The following WIPF1 variants were observed in gnomAD, a reference collection of about 807,000 sequenced individuals.
WIPF1 encodes the protein WAS/WASL-interacting protein family member 1.
Under a neutral mutation model 35.4 loss-of-function variants are expected in WIPF1, and 13 were observed. That is an observed-to-expected ratio of 0.37 (90% CI 0.24 to 0.58). The LOEUF (loss-of-function observed/expected upper bound fraction) is 0.58, where lower values mean the gene tolerates loss of function less well. WIPF1 is among the 20% of genes least tolerant of loss of function. The pLI, the probability that WIPF1 is intolerant of heterozygous loss-of-function variation, is 0.74. For synonymous variants in WIPF1, 267 were observed against 266.3 expected, an observed-to-expected ratio of 1.00 and a Z score of -0.02; for missense variants, 591 against 667.0, an observed-to-expected ratio of 0.89 and a Z score of 1.25.
chr2:174,667,655 G>A (rs891550718), intron 1 of WIPF1, among the ~76,000 whole-genome samples: 4 of 152,182 alleles, frequency 2.6e-5, no homozygotes, highest in African/African-American at 9.7e-5. Context: ...CACCAGGAGG[G>A]GAAGCCTCTG....
At chr2:174,586,588 C>T (rs555788168) in intron 1 of WIPF1, among the ~76,000 whole-genome samples, 8 of 152,046 alleles carry the variant, frequency 5.3e-5, no homozygotes, top group Non-Finnish European at 1.0e-4. Context: ...GTGAGTTACA[C>T]CAGCCAGGAG....
intron 1 of WIPF1, among the ~76,000 whole-genome samples, chr2:174,658,157 G>A (rs536080540): frequency 9.9e-5 from 15 of 152,180 alleles, no homozygotes; most frequent in South Asian, 4.1e-4. Context: ...CCCAATTCTC[G>A]CCTTCTAGGA....
intron 1 of WIPF1, among the ~76,000 whole-genome samples, chr2:174,654,536 T>TTA (rs2105966199): frequency 6.6e-6 from 1 of 152,290 alleles, no homozygotes; most frequent in Non-Finnish European, 1.5e-5. Context: ...AAGAACAAGA[T>TTA]TCTAGAGTCT....
chr2:174,586,381 G>C (rs952018417), intron 1 of WIPF1, among the ~76,000 whole-genome samples: 1 of 152,058 alleles, frequency 6.6e-6, no homozygotes, highest in African/African-American at 2.4e-5. Flanking sequence ...AGCTTTGTTT[G>C]GGTAAAAAAT....
chr2:174,606,946 C>T (rs181969623), intron 1 of WIPF1, among the ~76,000 whole-genome samples: 5 of 152,252 alleles, frequency 3.3e-5, no homozygotes, highest in African/African-American at 1.2e-4. Flanking sequence ...CGAGGGGCCA[C>T]ATCTGGTGAG....
intron 1 of WIPF1, among the ~76,000 whole-genome samples, chr2:174,643,353 A>C (rs191829560): frequency 4.0e-5 from 6 of 149,600 alleles, no homozygotes; most frequent in African/African-American, 1.5e-4. Context: ...TTAGCCTCCC[A>C]CTATCACGAT....
In WIPF1 at chr2:174,571,341, A is replaced by G. The variant is rs1684825586; in HGVS notation, c.1129+335T>C. 3.8e-6 allele frequency: 2 copies of G among 528,120 alleles called. No individual in the cohort carries two copies. The highest frequency in any genetic ancestry group is 6.7e-6 in the Non-Finnish European group (2 of 300,690). 32.7% of individuals were successfully genotyped at this position (528,120 alleles called of 1,614,324 possible). ...TATTTTCCCAATTAAGACCGCCGAA[A>G]TTCTCTCTAGGGAGGCAGGGTAGTG... On this transcript the variant is annotated intron_variant, in intron 5 of 7. Transcript: ENST00000679041. The surrounding 1 kb of genome is among the most constrained non-coding windows in gnomAD (Gnocchi z 4.6).
At chr2:174,575,473 C>T (rs1161755594) in intron 3 of WIPF1, 93 bp from the exon 4 acceptor site, 5 of 1,449,934 alleles carry the variant, frequency 3.4e-6, no homozygotes, top group African/African-American at 2.9e-5. Context: ...GGCCGGCTCT[C>T]GGCCTCCAGT....
chr2:174,615,409 CTCT>C (rs1574837332), intron 1 of WIPF1, among the ~76,000 whole-genome samples: 1 of 152,064 alleles, frequency 6.6e-6, no homozygotes, highest in African/African-American at 2.4e-5. Flanking sequence ...TATTTTAAGT[CTCT>C]AGTCCTATTT....
At chr2:174,672,694 T>G (rs1688045589) in intron 1 of WIPF1, among the ~76,000 whole-genome samples, 1 of 152,192 alleles carries the variant, frequency 6.6e-6, no homozygotes, top group Non-Finnish European at 1.5e-5. Flanking sequence ...ATGTTAATGG[T>G]GTGTCCCATC....
intron 1 of WIPF1, among the ~76,000 whole-genome samples, chr2:174,678,888 C>T (rs1463591954): frequency 6.6e-6 from 1 of 152,226 alleles, no homozygotes; most frequent in Non-Finnish European, 1.5e-5. Context: ...ACATGAAACA[C>T]TTGGTAAACT....
At chr2:174,608,859 C>T (rs4972701) in intron 1 of WIPF1, among the ~76,000 whole-genome samples, 63,819 of 152,108 alleles carry the variant, frequency 0.42, 15,244 homozygotes, top group East Asian at 0.9. Flanking sequence ...TAAATGGCTA[C>T]TCAGTATCAC....
At chr2:174,598,402 C>T (rs1042444426), upstream of WIPF1, among the ~76,000 whole-genome samples, 1 of 152,128 alleles carries the variant, frequency 6.6e-6, no homozygotes, top group Non-Finnish European at 1.5e-5. Context: ...GCCCTGACCT[C>T]CTGGGTTCGA....
chr2:174,585,220 C>T (rs1431523305), intron 2 of WIPF1, among the ~76,000 whole-genome samples: 1 of 152,222 alleles, frequency 6.6e-6, no homozygotes, highest in East Asian at 1.9e-4. Flanking sequence ...GGTCTCAGAA[C>T]TGATCCTGCA....
At chr2:174,623,801 A>G (rs1278469654) in intron 1 of WIPF1, among the ~76,000 whole-genome samples, 1 of 152,218 alleles carries the variant, frequency 6.6e-6, no homozygotes, top group South Asian at 2.1e-4. Context: ...ATGCCTTGGC[A>G]TAAGTCCCTC....
chr2:174,647,344 C>A lies in WIPF1; in HGVS notation c.-39+35430G>T, dbSNP rs538805801. Among the ~76,000 whole-genome samples the A allele has an allele frequency of 2.6e-5, 4 of 151,892 alleles. No individual in the cohort carries two copies. In the South Asian group the frequency reaches 8.3e-4, roughly 32 times the overall value. ...TGTGAACTATGATTGCACCACTGTA[C>A]TCCAGCCTGGGCGACACAGTGAGAT... On this transcript the variant is annotated intron_variant, in intron 1 of 8. Coordinates refer to the WIPF1 transcript ENST00000272746.
chr2:174,604,851 A>G (rs1221294797), intron 1 of WIPF1, among the ~76,000 whole-genome samples: 2 of 152,234 alleles, frequency 1.3e-5, no homozygotes, highest in Non-Finnish European at 2.9e-5. Context: ...TATGATCCAG[A>G]TCTGGAGTAA....
chr2:174,580,388 C>T (rs1191571058), intron 3 of WIPF1, among the ~76,000 whole-genome samples: 3 of 152,242 alleles, frequency 2.0e-5, no homozygotes, highest in Admixed American at 2.0e-4. Flanking sequence ...TCTGATCCTT[C>T]TTCTTCCTTC....
chr2:174,600,835 A>T (rs1005232845), upstream of WIPF1, among the ~76,000 whole-genome samples: 2 of 150,264 alleles, frequency 1.3e-5, no homozygotes, highest in Admixed American at 6.6e-5. Context: ...CATCTAATGC[A>T]GGTGTTTGAA....
Sources: allele counts gnomAD v4.1 joint callset (sites outside exome capture counted in the v4.1 genomes callset), GRCh38; gene constraint gnomAD v4.1.1; non-coding constraint Gnocchi (gnomAD v3.1); transcripts MANE v1.5; gene names NCBI Gene and HGNC (gene_info 2026-07-23, HGNC 2026-07-21).